Variants in DSCAML1 observed in about 807,000 individuals in gnomAD.
The protein encoded by DSCAML1 is DS cell adhesion molecule like 1.
A neutral mutation model predicts 200.5 loss-of-function variants in DSCAML1; 38 were observed. The ratio of observed to expected loss-of-function variants is 0.19; its 90% CI spans 0.15 to 0.25. The LOEUF (loss-of-function observed/expected upper bound fraction) is 0.25. Among genes scored for constraint, DSCAML1 ranks in the 10% least tolerant of loss-of-function variants. The pLI, the probability that DSCAML1 is intolerant of heterozygous loss-of-function variation, is 1.00. For synonymous variants in DSCAML1, 1,215 were observed against 1,165.0 expected (o/e 1.04, Z -0.87); for missense variants, 2,223 against 2,858.8 (o/e 0.78, Z 5.07).
At chr11:117,598,623 T>A (rs970426732) in intron 3 of DSCAML1, among the ~76,000 whole-genome samples, 1 of 152,196 alleles carries the variant, frequency 6.6e-6, no homozygotes, top group Non-Finnish European at 1.5e-5. Context: ...ATCTCTTTTA[T>A]TCCCCAAACA....
chr11:117,499,692 C>T lies in DSCAML1; in HGVS notation c.2359+4153G>A, dbSNP rs914104190. On this transcript the variant is annotated intron_variant, in intron 11 of 32. Transcript: ENST00000651296. ...AACTGTAAAATGCTGTACATGCAGG[C>T]GGCGATGCTGGACTGTGTGCTTAGG... Among the ~76,000 whole-genome samples the T allele has an allele frequency of 3.3e-5, 5 of 152,188 alleles. No homozygotes were observed. In the South Asian group the frequency reaches 1.0e-3, roughly 31 times the overall value.
intron 3 of DSCAML1, among the ~76,000 whole-genome samples, chr11:117,574,914 G>A (rs2050906240): frequency 1.3e-5 from 2 of 152,200 alleles, no homozygotes; most frequent in Admixed American, 6.5e-5. Context: ...AATCCTGCCG[G>A]GTGTGGTGGC....
At chr11:117,709,822 C>T (rs1166463887) in intron 3 of DSCAML1, 8 of 453,190 alleles carry the variant, frequency 1.8e-5, no homozygotes, top group Non-Finnish European at 3.5e-5. Flanking sequence ...GAGCTGGTCC[C>T]AGCCTGGGAC....
intron 1 of DSCAML1, among the ~76,000 whole-genome samples, chr11:117,816,415 G>A (rs2055807308): frequency 6.6e-6 from 1 of 152,224 alleles, no homozygotes; most frequent in Non-Finnish European, 1.5e-5. Flanking sequence ...CGCTGGCCAG[G>A]CATTTGTCAG....
chr11:117,801,584 T>C (rs2055659326), upstream of DSCAML1: 1 of 152,242 alleles, frequency 6.6e-6, no homozygotes, highest in Non-Finnish European at 1.5e-5. Flanking sequence ...GATGCCTATA[T>C]ATAAAAAAAT....
At chr11:117,740,643 A>G (rs1053023398) in intron 3 of DSCAML1, among the ~76,000 whole-genome samples, 1 of 152,200 alleles carries the variant, frequency 6.6e-6, no homozygotes, top group Non-Finnish European at 1.5e-5. Flanking sequence ...GGTATCATGC[A>G]AAAGCTCACT....
At chr11:117,613,786 T>C (rs2051750008) in intron 3 of DSCAML1, among the ~76,000 whole-genome samples, 1 of 152,132 alleles carries the variant, frequency 6.6e-6, no homozygotes, top group Non-Finnish European at 1.5e-5. Flanking sequence ...CCCAGCTACC[T>C]CCTGCCAGAG....
At chr11:117,486,415 G>A (rs1039717223) in intron 11 of DSCAML1, among the ~76,000 whole-genome samples, 7 of 150,406 alleles carry the variant, frequency 4.7e-5, no homozygotes, top group South Asian at 2.1e-4. Flanking sequence ...GGAAAGTGGC[G>A]GATGTGAAAA....
Position 117,687,421 on chromosome 11 carries a change from T to C in DSCAML1, c.511+89370A>G, listed in dbSNP as rs963792718. Among the ~76,000 whole-genome samples, 7 of 109,892 alleles carry C rather than the reference T, an allele frequency of 6.4e-5. No individual in the cohort carries two copies. The South Asian group carries it at 2.2e-3, about 34-fold the overall frequency. The allele number at this position is 109,892 out of a possible 152,430, so 72.1% of individuals were successfully genotyped here. A position where few individuals can be genotyped will look rare whatever the true frequency, so the allele number is the denominator to read the frequency against. ...GACTACAGGTGTGCTCCACCATGCC[T>C]GGCTATTTTTTTTTTTTTTTTTTTT... is the stretch of plus-strand genomic sequence containing the variant. On this transcript the variant is annotated intron_variant, in intron 3 of 32. Coordinates refer to ENST00000651296, the MANE Select transcript of DSCAML1 (RefSeq NM_020693.4).
At position 117,512,761 on chromosome 11, in the gene DSCAML1, T is replaced by TCACACA. The variant is rs71037482; in HGVS notation, c.1783+3700_1783+3705dup. On this transcript the variant is annotated intron_variant, in intron 8 of 32. Coordinates refer to ENST00000651296, the MANE Select transcript of DSCAML1 (RefSeq NM_020693.4). ...AAGGCATGGGCTCTGTCCTCTAGGATCACACACACACACACACACACACAC... is the reference window on the plus strand; with the variant it reads ...AAGGCATGGGCTCTGTCCTCTAGGATCACACACACACACACACACACACACACACAC... Among the ~76,000 whole-genome samples the TCACACA allele has an allele frequency of 6.8e-3, 774 of 113,126 alleles. 5 individuals carry two copies. Among genetic ancestry groups the TCACACA allele is most frequent in the Middle Eastern group, 9.3e-3 (2 of 214 alleles). 74.2% of individuals were successfully genotyped at this position (113,126 alleles called of 152,430 possible).
At chr11:117,439,069 G>A in intron 23 of DSCAML1, 86 bp from the exon 24 acceptor site, 2 of 1,401,602 alleles carry the variant, frequency 1.4e-6, no homozygotes, top group Non-Finnish European at 1.9e-6. Flanking sequence ...GGAAGGTGCT[G>A]GCTCTCCCAC....
intron 3 of DSCAML1, among the ~76,000 whole-genome samples, chr11:117,737,503 C>T (rs1010734448): frequency 1.3e-5 from 2 of 152,154 alleles, no homozygotes; most frequent in Admixed American, 6.5e-5. Context: ...TGTCCAAGAC[C>T]GGGACAGCAG....
Position 117,432,313 on chromosome 11 carries a change from G to A in DSCAML1, c.5179+39C>T, listed in dbSNP as rs202210926. ...TGTCATGCTATGCCCAAGCCACCCCGGTTGGGAAAAGGGCTGTCTCCCTGG... is the reference window on the plus strand; with the variant it reads ...TGTCATGCTATGCCCAAGCCACCCCAGTTGGGAAAAGGGCTGTCTCCCTGG... On this transcript the variant is annotated intron_variant, in intron 30 of 32. Coordinates refer to ENST00000651296, the MANE Select transcript of DSCAML1 (RefSeq NM_020693.4). 6.0e-4 allele frequency: 946 copies of A among 1,583,110 alleles called. 2 individuals are homozygous for A. Among genetic ancestry groups the A allele is most frequent in the Non-Finnish European group, 7.1e-4 (822 of 1,164,688 alleles).
Position 117,645,756 on chromosome 11 carries a change from G to C in DSCAML1, c.512-113234C>G, listed in dbSNP as rs1162486766. On this transcript the variant is annotated intron_variant, in intron 3 of 32. Coordinates refer to ENST00000651296, the MANE Select transcript of DSCAML1 (RefSeq NM_020693.4). The stretch of plus-strand genomic sequence containing the variant: ...CACACTCTGGGGACTGTGGTGGGGT[G>C]GGGGGAGGGGGGAGGGATAGCATTG... Among the ~76,000 whole-genome samples, 3 of 123,244 alleles carry C rather than the reference G, an allele frequency of 2.4e-5. No homozygotes were observed. In the Admixed American group the frequency reaches 2.7e-4, roughly 11 times the overall value. The allele number at this position is 123,244 out of a possible 152,430, so 80.9% of individuals were successfully genotyped here.
Position 117,432,388 on chromosome 11 carries a change from G to A in DSCAML1, c.5143C>T (p.Pro1715Ser), listed in dbSNP as rs796163067. 1 of 1,614,124 alleles carries A rather than the reference G, an allele frequency of 6.2e-7. No homozygotes were observed. The highest frequency in any genetic ancestry group is 2.2e-5 in the East Asian group (1 of 44,866). ...HHPTLIQSTGPLIDMSDIRPG... is the reference protein window; with the variant it reads ...HHPTLIQSTGSLIDMSDIRPG... ...CGGATGTCAGACATGTCGATGAGGG[G>A]TCCTGTGCTCTGGATGAGGGTTGGG... The change falls in exon 30 of 33, where the codon CCC becomes TCC. Residue 1715 changes from proline to serine, a missense_variant. By Grantham distance (74) the Pro-to-Ser change is moderately conservative (BLOSUM62 -1). This residue lies in a region of DSCAML1 where 614 missense variants were observed against 739.1 expected (regional missense o/e 0.83). Transcript: ENST00000651296.
intron 11 of DSCAML1, among the ~76,000 whole-genome samples, chr11:117,497,762 A>G (rs1032615291): frequency 3.9e-5 from 6 of 152,206 alleles, no homozygotes; most frequent in African/African-American, 9.6e-5. Context: ...GCCGACTATG[A>G]TCATTACCTG....
At chr11:117,575,107 C>T (rs1018338815) in intron 3 of DSCAML1, among the ~76,000 whole-genome samples, 2 of 152,206 alleles carry the variant, frequency 1.3e-5, no homozygotes, top group Admixed American at 1.3e-4. Flanking sequence ...AGGAGAATCA[C>T]TTGAACCCAG....
rs760727056 is a variant in DSCAML1 at position 117,437,321 on chromosome 11, G to A, written c.4521C>T (p.Gly1507=). 2.5e-6 allele frequency: 4 copies of A among 1,614,284 alleles called. No homozygotes were observed. In the Admixed American group the frequency reaches 6.7e-5, roughly 27 times the overall value. The part of the protein sequence containing the change: ...RLNLQGWNNG[G]CPITAIVLEY... ...CCAGAACGATGGCTGTGATAGGGCA[G>A]CCCCCATTGTTCCAGCCCTGCAGGT... The change falls in exon 26 of 33, where the codon GGC becomes GGT. Residue 1507 remains glycine, a synonymous_variant. Coordinates refer to ENST00000651296, the MANE Select transcript of DSCAML1 (RefSeq NM_020693.4). This position sits in a 1 kb window ranked among gnomAD's most constrained non-coding sequence, Gnocchi z 5.3.
chr11:117,557,192 G>A (rs1171365812), intron 3 of DSCAML1, among the ~76,000 whole-genome samples: 2 of 152,202 alleles, frequency 1.3e-5, no homozygotes, highest in Non-Finnish European at 2.9e-5. Context: ...AGCAGGTGGG[G>A]GACTTGCAGG....
Sources: allele counts gnomAD v4.1 joint callset (sites outside exome capture counted in the v4.1 genomes callset), GRCh38; gene constraint gnomAD v4.1.1; regional missense constraint gnomAD v4.1.1; non-coding constraint Gnocchi (gnomAD v3.1); transcripts MANE v1.5; gene names NCBI Gene and HGNC (gene_info 2026-07-23, HGNC 2026-07-21).